Variants in SLC1A2 observed in about 807,000 individuals in gnomAD.
SLC1A2 encodes solute carrier family 1 member 2.
A neutral mutation model predicts 48.8 loss-of-function variants in SLC1A2; 15 were observed. The observed-to-expected ratio is 0.31, with a 90% CI of 0.21 to 0.47. The LOEUF (loss-of-function observed/expected upper bound fraction) is 0.47, where lower values mean the gene tolerates loss of function less well. Among genes scored for constraint, SLC1A2 ranks in the 20% least tolerant of loss-of-function variants. SLC1A2 has a pLI of 0.99. For missense variants in SLC1A2, 502 were observed against 730.5 expected, an observed-to-expected ratio of 0.69 and a Z score of 3.61; for synonymous variants, 279 against 272.6, an observed-to-expected ratio of 1.02 and a Z score of -0.23.
chr11:35,299,528 T>G (rs750891857), intron 6 of SLC1A2: 2 of 152,172 alleles, frequency 1.3e-5, no homozygotes, highest in African/African-American at 2.4e-5. Flanking sequence ...TAGCATCCTT[T>G]CTGTGTTTTA....
intron 1 of SLC1A2, among the ~76,000 whole-genome samples, chr11:35,363,662 T>A (rs542796542): frequency 6.6e-6 from 1 of 152,242 alleles, no homozygotes; most frequent in African/African-American, 2.4e-5. Flanking sequence ...CTGCACGGAA[T>A]TATTATTATG....
At chr11:35,406,729 A>G (rs1448004494) in intron 1 of SLC1A2, among the ~76,000 whole-genome samples, 1 of 152,186 alleles carries the variant, frequency 6.6e-6, no homozygotes, top group African/African-American at 2.4e-5. Flanking sequence ...GGGAGTGGGT[A>G]CAGATGAGTT....
At chr11:35,319,263 A>T (rs756990478) in intron 1 of SLC1A2, among the ~76,000 whole-genome samples, 1 of 152,190 alleles carries the variant, frequency 6.6e-6, no homozygotes, top group African/African-American at 2.4e-5. Context: ...AGCAGGGGGA[A>T]ATGATCAAAA....
chr11:35,317,318 C>T (rs1234263569), intron 2 of SLC1A2, 59 bp downstream of exon 2: 2 of 1,569,622 alleles, frequency 1.3e-6, no homozygotes, highest in Non-Finnish European at 1.7e-6. Context: ...AGCTGCCCCA[C>T]AGAGCCAGGA....
intron 1 of SLC1A2, among the ~76,000 whole-genome samples, chr11:35,334,752 G>A (rs955621257): frequency 6.6e-6 from 1 of 152,208 alleles, no homozygotes; most frequent in Non-Finnish European, 1.5e-5. Flanking sequence ...TCTACTTTGG[G>A]GGGCAGGATG....
intron 10 of SLC1A2, among the ~76,000 whole-genome samples, chr11:35,262,116 A>G (rs1266618070): frequency 6.6e-6 from 1 of 152,268 alleles, no homozygotes; most frequent in Non-Finnish European, 1.5e-5. Flanking sequence ...AGTTTTGACC[A>G]GAGCTGCAGC....
At position 35,252,361 on chromosome 11, in the gene SLC1A2, T is replaced by C. The variant is rs1422368462; in HGVS notation, c.*8533A>G. The C allele has an allele frequency of 6.6e-6, 1 of 152,212 alleles. No homozygotes were observed. Among genetic ancestry groups the C allele is most frequent in the Non-Finnish European group, 1.5e-5 (1 of 68,034 alleles). The allele number at this position is 152,212 out of a possible 1,614,324, so 9.4% of individuals were successfully genotyped here. Reference sequence around the variant, plus strand: ...TATGCACAGAGTCAGACTAACTTTTTGTTCCTCTGAGCCCAATCCACCAAG... The same window carrying C: ...TATGCACAGAGTCAGACTAACTTTTCGTTCCTCTGAGCCCAATCCACCAAG... On this transcript the variant is annotated 3_prime_UTR_variant, in exon 11 of 11. Transcript: ENST00000278379.
At chr11:35,366,077 C>A (rs1290705101) in intron 1 of SLC1A2, among the ~76,000 whole-genome samples, 1 of 152,202 alleles carries the variant, frequency 6.6e-6, no homozygotes, top group Non-Finnish European at 1.5e-5. Flanking sequence ...GATGGTAGCT[C>A]TCAGTTAACC....
intron 1 of SLC1A2, among the ~76,000 whole-genome samples, chr11:35,355,819 A>G (rs1345815038): frequency 6.6e-6 from 1 of 151,138 alleles, no homozygotes; most frequent in Non-Finnish European, 1.5e-5. Flanking sequence ...TGGGAAGCAG[A>G]GGTTGCAGTG....
chr11:35,376,071 C>T (rs948071321), intron 1 of SLC1A2, among the ~76,000 whole-genome samples: 1 of 152,038 alleles, frequency 6.6e-6, no homozygotes, highest in African/African-American at 2.4e-5. Flanking sequence ...ATCTATTAGG[C>T]TTAAAAACTC....
At chr11:35,288,490 C>T (rs1334766038) in intron 7 of SLC1A2, among the ~76,000 whole-genome samples, 1 of 152,128 alleles carries the variant, frequency 6.6e-6, no homozygotes, top group African/African-American at 2.4e-5. Flanking sequence ...TTCCTGGGCC[C>T]TTTCGAAGGG....
rs1221975398 is a variant in SLC1A2 at position 35,306,059 on chromosome 11, C to G, written c.730+15G>C. ...TTGCCAGGGAAGCAGAATCCCGGAC[C>G]ACCAGCTGGCCTACCTAAGACGTTC... On this transcript the variant is annotated intron_variant, in intron 5 of 10. Coordinates refer to ENST00000278379, the MANE Select transcript of SLC1A2 (RefSeq NM_004171.4). 1 of 1,611,480 alleles carries G rather than the reference C, an allele frequency of 6.2e-7. No homozygotes were observed. The highest frequency in any genetic ancestry group is 1.3e-5 in the African/African-American group (1 of 74,848).
At chr11:35,309,379 C>T (rs1441825566) in intron 4 of SLC1A2, among the ~76,000 whole-genome samples, 1 of 152,194 alleles carries the variant, frequency 6.6e-6, no homozygotes, top group African/African-American at 2.4e-5. Flanking sequence ...ACACAGATCA[C>T]GGAATTTTCT....
chr11:35,328,540 AAAAGT>A (rs1440779471), intron 1 of SLC1A2, among the ~76,000 whole-genome samples: 2 of 152,224 alleles, frequency 1.3e-5, no homozygotes, highest in African/African-American at 2.4e-5. Flanking sequence ...TCAATGTCAC[AAAAGT>A]AATGGATGGT....
intron 8 of SLC1A2, among the ~76,000 whole-genome samples, chr11:35,284,110 TAA>T (rs1554993897): frequency 1.4e-5 from 2 of 141,198 alleles, no homozygotes; most frequent in Admixed American, 1.4e-4. Context: ...TATATATATA[TAA>T]ATTATTATTT....
intron 6 of SLC1A2, 117 bp downstream of exon 6, chr11:35,301,402 G>T: frequency 1.2e-6 from 1 of 858,024 alleles, no homozygotes; most frequent in Non-Finnish European, 1.8e-6. Context: ...AAGTCTTTCT[G>T]GAAAGACATT....
intron 1 of SLC1A2, among the ~76,000 whole-genome samples, chr11:35,408,899 C>G (rs1448851279): frequency 6.6e-6 from 1 of 152,112 alleles, no homozygotes; most frequent in Admixed American, 6.5e-5. Flanking sequence ...AGATTTGTAA[C>G]TATTAAAAAC....
At chr11:35,395,020 C>T (rs1854908172) in intron 1 of SLC1A2, among the ~76,000 whole-genome samples, 1 of 152,090 alleles carries the variant, frequency 6.6e-6, no homozygotes, top group African/African-American at 2.4e-5. Flanking sequence ...AGCGTCTTCC[C>T]CACTGGTGCT....
At position 35,353,648 on chromosome 11, in the gene SLC1A2, A is replaced by G. The variant is rs143521228; in HGVS notation, c.18-36132T>C. Among the ~76,000 whole-genome samples the G allele has an allele frequency of 3.7e-3, 560 of 152,356 alleles. 1 individual carries two copies. Among genetic ancestry groups the G allele is most frequent in the Admixed American group, 4.2e-3 (65 of 15,304 alleles). ...CCTCAGATGATCAAAATTTCTTTCA[A>G]TGATCCTTGGCAAATATCCCTAATA... On this transcript the variant is annotated intron_variant, in intron 1 of 10. Transcript: ENST00000278379.
Sources: gnomAD v4.1 joint callset for allele counts (sites outside exome capture counted in the v4.1 genomes callset) on GRCh38, gnomAD v4.1.1 for gene constraint, MANE v1.5 for transcripts, NCBI Gene and HGNC (gene_info 2026-07-23, HGNC 2026-07-21) for gene names.